TUSC3: variants seen among roughly 807,000 people sequenced by gnomAD.
The protein encoded by TUSC3 is dolichyl-diphosphooligosaccharide--protein glycosyltransferase subunit TUSC3.
TUSC3 carries 45 observed loss-of-function variants against 44.8 expected under a neutral mutation model. The ratio of observed to expected loss-of-function variants is 1.00; its 90% confidence interval spans 0.79 to 1.29. The LOEUF is 1.29. Ranked by LOEUF, TUSC3 falls within the 50% of genes most tolerant of loss-of-function variation. The probability of loss-of-function intolerance (pLI) is 0.00; values close to 1 mark genes in which losing one functional copy is unlikely to be tolerated. For missense variants in TUSC3, 519 were observed against 437.9 expected (o/e 1.19, Z -1.65); for synonymous variants, 212 against 152.9 (o/e 1.39, Z -2.85).
At chr8:15,591,109 T>C (rs1195300953) in intron 1 of TUSC3, among the ~76,000 whole-genome samples, 1 of 152,194 alleles carries the variant, frequency 6.6e-6, no homozygotes, top group African/African-American at 2.4e-5. Flanking sequence ...GTTTTTATTT[T>C]TGGCATCATT....
chr8:15,847,052 A>G, the TUSC3 span, among the ~76,000 whole-genome samples: 1 of 152,108 alleles, frequency 6.6e-6, no homozygotes, highest in Admixed American at 6.6e-5. Flanking sequence ...CCATAACAGC[A>G]CAGAATAGGG....
chr8:15,555,804 T>G (rs1802239258), intron 1 of TUSC3, among the ~76,000 whole-genome samples: 1 of 151,550 alleles, frequency 6.6e-6, no homozygotes, highest in East Asian at 2.0e-4. Context: ...GGCTTTTGTT[T>G]AGAAGTATTA....
intron 1 of TUSC3, among the ~76,000 whole-genome samples, chr8:15,595,436 TGTAG>T (rs1804027139): frequency 2.6e-5 from 4 of 152,176 alleles, no homozygotes; most frequent in Admixed American, 2.6e-4. Context: ...CTCTCTGTGC[TGTAG>T]GCTTGAATCT....
intron 1 of TUSC3, among the ~76,000 whole-genome samples, chr8:15,573,202 CTATATATATATATA>C (rs373565575): frequency 5.4e-5 from 4 of 74,204 alleles, no homozygotes; most frequent in African/African-American, 1.6e-4. Context: ...CTCTCTCTCT[CTATATATATATATA>C]TATATATATA....
intron 2 of TUSC3, among the ~76,000 whole-genome samples, chr8:15,486,230 G>A (rs1250827746): frequency 6.6e-6 from 1 of 152,120 alleles, no homozygotes; most frequent in Non-Finnish European, 1.5e-5. Flanking sequence ...CTGTAAAGCC[G>A]GCTATAATAA....
At chr8:15,751,968 T>TTAAATTTGAGTTGTTAAATGCTTTATAG (rs1363141266) in intron 9 of TUSC3, among the ~76,000 whole-genome samples, 9 of 152,150 alleles carry the variant, frequency 5.9e-5, no homozygotes, top group Non-Finnish European at 2.9e-5. Context: ...CCTCTCAGTT[T>TTAAATTTGAGTTGTTAAATGCTTTATAG]TAAATTTGAG....
intron 2 of TUSC3, among the ~76,000 whole-genome samples, chr8:15,516,303 A>G (rs112433683): frequency 1.4e-4 from 22 of 152,314 alleles, no homozygotes; most frequent in African/African-American, 5.1e-4. Context: ...AAGTTTTTAA[A>G]GCAAGTTATT....
the TUSC3 span, among the ~76,000 whole-genome samples, chr8:15,838,361 G>C: frequency 2.6e-5 from 4 of 152,096 alleles, no homozygotes; most frequent in Non-Finnish European, 4.4e-5. Flanking sequence ...AGTTTTAGAA[G>C]GCTTCTATTT....
chr8:15,608,432 A>G (rs981089847), intron 1 of TUSC3, among the ~76,000 whole-genome samples: 6 of 152,182 alleles, frequency 3.9e-5, no homozygotes, highest in African/African-American at 9.7e-5. Context: ...GGGTGAGCCT[A>G]GAATCTTATC....
In TUSC3 at chr8:15,458,738, G is replaced by C. The variant is rs145907917; in HGVS notation, n.92-24648G>C. Among the ~76,000 whole-genome samples, 9 of 152,236 alleles carry C rather than the reference G, an allele frequency of 5.9e-5. No homozygotes were observed. The East Asian group carries it at 1.5e-3, about 26-fold the overall frequency. Reference sequence around the variant, plus strand: ...ATGAACTAATTTTTCATAGAGTTCAGAATGATGAGTAACTGGGGACTAAAA... The same window carrying C: ...ATGAACTAATTTTTCATAGAGTTCACAATGATGAGTAACTGGGGACTAAAA... On this transcript the variant is annotated intron_variant and non_coding_transcript_variant, in intron 1 of 5. Coordinates refer to the TUSC3 transcript ENST00000503191.
intron 1 of TUSC3, among the ~76,000 whole-genome samples, chr8:15,618,289 A>G (rs925012450): frequency 6.6e-6 from 1 of 152,220 alleles, no homozygotes; most frequent in Non-Finnish European, 1.5e-5. Context: ...AACTTTTTTT[A>G]AAAGTTTTTA....
At chr8:15,800,581 A>G in the TUSC3 span, among the ~76,000 whole-genome samples, 7 of 151,930 alleles carry the variant, frequency 4.6e-5, no homozygotes, top group African/African-American at 1.7e-4. Flanking sequence ...CTTTAAAAAA[A>G]AAAAAAAGAA....
At chr8:15,508,363 A>T (rs113693366) in intron 2 of TUSC3, among the ~76,000 whole-genome samples, 5,502 of 151,918 alleles carry the variant, frequency 0.036, 322 homozygotes, top group African/African-American at 0.12. Context: ...GAAATGAATG[A>T]CAAGATCTCA....
chr8:15,836,449 C>T, the TUSC3 span, among the ~76,000 whole-genome samples: 1,965 of 148,316 alleles, frequency 0.013, 20 homozygotes, highest in South Asian at 0.022. Flanking sequence ...CGCACTCCAG[C>T]CTGGGCAACA....
intron 1 of TUSC3, among the ~76,000 whole-genome samples, chr8:15,481,333 A>G (rs937834678): frequency 6.6e-6 from 1 of 151,530 alleles, no homozygotes; most frequent in African/African-American, 2.4e-5. Context: ...TAATGCCATT[A>G]TTGAGGAGGT....
At chr8:15,612,037 A>G (rs1192848025) in intron 1 of TUSC3, among the ~76,000 whole-genome samples, 3 of 152,176 alleles carry the variant, frequency 2.0e-5, no homozygotes, top group Non-Finnish European at 2.9e-5. Flanking sequence ...TAAAAATATA[A>G]GAAGAACAGA....
Position 15,422,226 on chromosome 8 carries a change from T to C in TUSC3, n.91+4921T>C, listed in dbSNP as rs562247945. Among the ~76,000 whole-genome samples the C allele has an allele frequency of 9.8e-5, 15 of 152,346 alleles. No individual in the cohort carries two copies. In the South Asian group the frequency reaches 2.9e-3, roughly 29 times the overall value. On this transcript the variant is annotated intron_variant and non_coding_transcript_variant, in intron 1 of 5. Transcript: ENST00000503191. ...TTAATCTCATGTTACTATTCTTGTG[T>C]GAGTTTATGATATGAAGTAGTAAGT... is the stretch of plus-strand genomic sequence containing the variant.
At chr8:15,495,489 T>C (rs1324154180) in intron 2 of TUSC3, among the ~76,000 whole-genome samples, 1 of 152,214 alleles carries the variant, frequency 6.6e-6, no homozygotes, top group Non-Finnish European at 1.5e-5. Context: ...TTATCTGTTC[T>C]ACATATGTCC....
rs352764 is a variant in TUSC3 at position 15,726,126 on chromosome 8, C to T, written c.799-4540C>T. 5.8e-3 allele frequency among the ~76,000 whole-genome samples: 882 copies of T among 152,232 alleles called. 10 individuals carry two copies. Among genetic ancestry groups the T allele is most frequent in the African/African-American group, 0.02 (824 of 41,538 alleles). On this transcript the variant is annotated intron_variant, in intron 6 of 10. Coordinates refer to ENST00000503731, the MANE Select transcript of TUSC3 (RefSeq NM_006765.4). ...ATTTAAAAATGTTGAAAAACCAGAA[C>T]GTACTGACTGGTGTCATCTTCCCAA...
Sources: allele counts gnomAD v4.1 joint callset (sites outside exome capture counted in the v4.1 genomes callset), GRCh38; gene constraint gnomAD v4.1.1; transcripts MANE v1.5; gene names NCBI Gene and HGNC (gene_info 2026-07-23, HGNC 2026-07-21).